PPFIA2: variants seen among roughly 807,000 people sequenced by gnomAD.
PPFIA2 encodes PPFI scaffold protein A2.
A neutral mutation model predicts 175.5 loss-of-function variants in PPFIA2; 46 were observed. That is an observed-to-expected ratio of 0.26 (90% CI 0.21 to 0.34). PPFIA2 has a LOEUF of 0.34. Ranked by LOEUF, PPFIA2 falls within the 10% of genes least tolerant of loss-of-function variation. The probability of loss-of-function intolerance (pLI) is 1.00; values close to 1 mark genes in which losing one functional copy is unlikely to be tolerated. For missense variants in PPFIA2, 1,179 were observed against 1,506.1 expected, an observed-to-expected ratio of 0.78 and a Z score of 3.60; for synonymous variants, 568 against 511.4, an observed-to-expected ratio of 1.11 and a Z score of -1.49.
At chr12:81,746,392 C>G (rs1242198586) in intron 3 of PPFIA2, among the ~76,000 whole-genome samples, 1 of 143,362 alleles carries the variant, frequency 7.0e-6, no homozygotes, top group East Asian at 2.1e-4. Flanking sequence ...TAAAACAAAC[C>G]TACTACAATT....
chr12:81,474,188 A>T (rs1402378996), intron 4 of PPFIA2, among the ~76,000 whole-genome samples: 1 of 152,114 alleles, frequency 6.6e-6, no homozygotes, highest in Non-Finnish European at 1.5e-5. Flanking sequence ...CAGTCTCACC[A>T]CTTCGTCAAG....
At chr12:81,334,351 C>T (rs1358411260) in intron 21 of PPFIA2, among the ~76,000 whole-genome samples, 1 of 152,124 alleles carries the variant, frequency 6.6e-6, no homozygotes, top group Non-Finnish European at 1.5e-5. Flanking sequence ...CTCCTCGATG[C>T]CGATAGCCAT....
In PPFIA2 at chr12:81,427,628, C is replaced by T. The variant is rs191073593; in HGVS notation, c.645+12344G>A. On this transcript the variant is annotated intron_variant, in intron 7 of 32. Coordinates refer to ENST00000549396, the MANE Select transcript of PPFIA2 (RefSeq NM_003625.5). ...AAATACAAAAAAAAGGAGATGTAGT[C>T]GTGGGTATAACATAAAGTACAGAGT... Among the ~76,000 whole-genome samples, 1,409 of 151,978 alleles carry T rather than the reference C, an allele frequency of 9.3e-3. 8 individuals carry two copies. Among genetic ancestry groups the T allele is most frequent in the Non-Finnish European group, 0.014 (949 of 67,860 alleles).
At chr12:81,438,231 A>G (rs113511050) in intron 7 of PPFIA2, among the ~76,000 whole-genome samples, 10,674 of 152,248 alleles carry the variant, frequency 0.07, 539 homozygotes, top group African/African-American at 0.14. Context: ...GCACTTTGGG[A>G]GGCCGAGGCA....
chr12:81,330,787 G>A (rs2055953922), intron 21 of PPFIA2, among the ~76,000 whole-genome samples: 1 of 152,096 alleles, frequency 6.6e-6, no homozygotes, highest in African/African-American at 2.4e-5. Context: ...TTAATAAATA[G>A]CACATGGTTT....
intron 16 of PPFIA2, among the ~76,000 whole-genome samples, chr12:81,356,654 C>T (rs1349931841): frequency 6.6e-6 from 1 of 151,786 alleles, no homozygotes; most frequent in Non-Finnish European, 1.5e-5. Flanking sequence ...CAGAATAATA[C>T]CCTGTCTCAA....
At chr12:81,367,006 T>C in intron 14 of PPFIA2, 102 bp downstream of exon 14, 1 of 1,216,686 alleles carries the variant, frequency 8.2e-7, no homozygotes, top group Non-Finnish European at 1.1e-6. Flanking sequence ...AAAGATAGCA[T>C]ACTAAAATTA....
intron 4 of PPFIA2, among the ~76,000 whole-genome samples, chr12:81,667,167 T>C (rs1261755089): frequency 6.6e-6 from 1 of 152,096 alleles, no homozygotes; most frequent in Admixed American, 6.6e-5. Context: ...TTCTGTGCTT[T>C]TTCTCTTTTA....
At chr12:81,674,382 T>G (rs976348582) in intron 4 of PPFIA2, among the ~76,000 whole-genome samples, 1 of 152,062 alleles carries the variant, frequency 6.6e-6, no homozygotes, top group African/African-American at 2.4e-5. Context: ...ATTTTGATGA[T>G]CTATTAAAAT....
At chr12:81,398,003 A>G (rs2041456650) in intron 8 of PPFIA2, among the ~76,000 whole-genome samples, 1 of 151,874 alleles carries the variant, frequency 6.6e-6, no homozygotes, top group Non-Finnish European at 1.5e-5. Context: ...CAGAGCTCCC[A>G]CTGATTCTAC....
chr12:81,315,007 G>C lies in PPFIA2; in HGVS notation c.2642+10770C>G, dbSNP rs750711723. Among the ~76,000 whole-genome samples the C allele has an allele frequency of 2.0e-5, 3 of 151,866 alleles. No homozygotes were observed. In the South Asian group the frequency reaches 6.2e-4, roughly 31 times the overall value. ...ATGGAAAGGGATGATCTGAGTAAAA[G>C]AATAGCCTAGTTTTCTACAATAAGA... On this transcript the variant is annotated intron_variant, in intron 22 of 32. Coordinates refer to ENST00000549396, the MANE Select transcript of PPFIA2 (RefSeq NM_003625.5).
At chr12:81,361,712 A>G (rs2030469622) in intron 15 of PPFIA2, among the ~76,000 whole-genome samples, 1 of 151,624 alleles carries the variant, frequency 6.6e-6, no homozygotes, top group African/African-American at 2.4e-5. Flanking sequence ...ATAGTTTTTT[A>G]GGTGTTGAGA....
At chr12:81,635,422 T>C (rs1166027556) in intron 4 of PPFIA2, among the ~76,000 whole-genome samples, 1 of 152,208 alleles carries the variant, frequency 6.6e-6, no homozygotes, top group African/African-American at 2.4e-5. Context: ...TTATTAGGTT[T>C]ATGGATTCTT....
At chr12:81,682,828 G>A (rs574500651) in intron 3 of PPFIA2, among the ~76,000 whole-genome samples, 7 of 151,826 alleles carry the variant, frequency 4.6e-5, no homozygotes, top group Admixed American at 6.6e-5. Flanking sequence ...ACATCCTATC[G>A]TTCAAATTTA....
At chr12:81,633,953 T>G (rs559825698) in intron 4 of PPFIA2, among the ~76,000 whole-genome samples, 1 of 152,192 alleles carries the variant, frequency 6.6e-6, no homozygotes, top group East Asian at 1.9e-4. Flanking sequence ...AGACAATGCT[T>G]TGGCAATGCT....
At chr12:81,649,177 T>A (rs1035253855) in intron 4 of PPFIA2, among the ~76,000 whole-genome samples, 1 of 152,100 alleles carries the variant, frequency 6.6e-6, no homozygotes, top group Non-Finnish European at 1.5e-5. Context: ...ATGCAACAGA[T>A]TCAGATAAAA....
intron 3 of PPFIA2, among the ~76,000 whole-genome samples, chr12:81,690,198 A>G (rs1567875568): frequency 1.3e-5 from 2 of 152,214 alleles, no homozygotes; most frequent in South Asian, 2.1e-4. Flanking sequence ...GTGGCTATGT[A>G]ACACAATATT....
At chr12:81,426,548 CCAA>C (rs1566778931) in intron 7 of PPFIA2, among the ~76,000 whole-genome samples, 3 of 152,002 alleles carry the variant, frequency 2.0e-5, no homozygotes, top group African/African-American at 7.3e-5. Context: ...ATGGTAAATA[CCAA>C]CTGATCAAGT....
chr12:81,759,174 C>A (rs1479335386), intron 1 of PPFIA2, 106 bp downstream of exon 1: 4 of 126,454 alleles, frequency 3.2e-5, no homozygotes, highest in Admixed American at 2.3e-4. Flanking sequence ...GCCCCCCTTC[C>A]CTCCCCCCCG....
Sources: allele counts gnomAD v4.1 joint callset (sites outside exome capture counted in the v4.1 genomes callset), GRCh38; gene constraint gnomAD v4.1.1; transcripts MANE v1.5; gene names NCBI Gene and HGNC (gene_info 2026-07-23, HGNC 2026-07-21).